The following MAF variants were observed in gnomAD, a reference collection of about 807,000 sequenced individuals.
The protein encoded by MAF is MAF bZIP transcription factor.
In MAF, 10 loss-of-function variants were observed where a neutral mutation model predicts 22.0. That is an observed-to-expected ratio of 0.45 (90% confidence interval 0.28 to 0.77). The LOEUF is 0.77. Ranked by LOEUF, MAF falls within the 30% of genes least tolerant of loss-of-function variation. The pLI, the probability that MAF is intolerant of heterozygous loss-of-function variation, is 0.12. For missense variants in MAF, 544 were observed against 548.4 expected (o/e 0.99, Z 0.08); for synonymous variants, 337 against 255.8 (o/e 1.32, Z -3.03).
the MAF span, among the ~76,000 whole-genome samples, chr16:79,474,679 C>T: frequency 6.6e-6 from 1 of 152,096 alleles, no homozygotes; most frequent in Admixed American, 6.5e-5. Flanking sequence ...CATCTGGATG[C>T]CACACTCCTT....
chr16:79,567,088 G>A, the MAF span, among the ~76,000 whole-genome samples: 1 of 152,236 alleles, frequency 6.6e-6, no homozygotes, highest in Non-Finnish European at 1.5e-5. Flanking sequence ...GGGAGGCTAA[G>A]GCAGGCAGAT....
the MAF span, among the ~76,000 whole-genome samples, chr16:79,213,687 CAGTT>C: frequency 2.4e-4 from 36 of 152,296 alleles, no homozygotes; most frequent in South Asian, 6.2e-4. Context: ...CGGCATCCAG[CAGTT>C]AGTTAGTTAG....
chr16:79,393,938 G>T, the MAF span, among the ~76,000 whole-genome samples: 3 of 152,288 alleles, frequency 2.0e-5, no homozygotes, highest in South Asian at 6.2e-4. Flanking sequence ...ATTTCCATGT[G>T]CCAGGTACAG....
chr16:79,375,283 C>T, the MAF span, among the ~76,000 whole-genome samples: 1 of 152,156 alleles, frequency 6.6e-6, no homozygotes, highest in Admixed American at 6.5e-5. Context: ...TAAAAGGGTT[C>T]AAGGCATTGA....
At chr16:79,463,510 C>A in the MAF span, among the ~76,000 whole-genome samples, 3 of 152,098 alleles carry the variant, frequency 2.0e-5, no homozygotes, top group East Asian at 1.9e-4. Flanking sequence ...ACAATATAAT[C>A]CAGCCACCAC....
chr16:79,477,101 A>C, the MAF span, among the ~76,000 whole-genome samples: 1 of 152,204 alleles, frequency 6.6e-6, no homozygotes, highest in Non-Finnish European at 1.5e-5. Context: ...CAAGGATGCT[A>C]GCAAAGCAAT....
At chr16:79,598,558 C>G (rs1190529351) in intron 1 of MAF, 28 of 1,439,910 alleles carry the variant, frequency 1.9e-5, no homozygotes, top group Non-Finnish European at 2.4e-5. Flanking sequence ...GCCACCACCA[C>G]CACAAACTCG....
the MAF span, among the ~76,000 whole-genome samples, chr16:79,224,730 G>A: frequency 6.6e-6 from 1 of 152,112 alleles, no homozygotes; most frequent in Admixed American, 6.5e-5. Context: ...ACAAACAAGA[G>A]AGCAAAATCA....
At chr16:79,380,317 A>G in the MAF span, among the ~76,000 whole-genome samples, 1 of 152,176 alleles carries the variant, frequency 6.6e-6, no homozygotes, top group African/African-American at 2.4e-5. Context: ...ACCTACCTCA[A>G]GGGCAGTTGT....
the MAF span, among the ~76,000 whole-genome samples, chr16:79,228,358 G>A: frequency 6.6e-6 from 1 of 152,070 alleles, no homozygotes; most frequent in Admixed American, 6.6e-5. Flanking sequence ...ATGAGGGCAA[G>A]GTGGGTCTGA....
the MAF span, among the ~76,000 whole-genome samples, chr16:79,475,418 A>G: frequency 6.6e-6 from 1 of 151,082 alleles, no homozygotes; most frequent in Non-Finnish European, 1.5e-5. Context: ...AGGCAAATCC[A>G]GGTCTATGTC....
the MAF span, among the ~76,000 whole-genome samples, chr16:79,517,540 G>C: frequency 0.84 from 125,549 of 149,784 alleles, 52,882 homozygotes; most frequent in East Asian, 0.92. Flanking sequence ...TCCTTTCCCA[G>C]AGTGAGGTTT....
the MAF span, among the ~76,000 whole-genome samples, chr16:79,325,568 C>G: frequency 2.6e-5 from 4 of 151,458 alleles, no homozygotes; most frequent in Admixed American, 1.3e-4. Context: ...GACACACACA[C>G]AGATGCCCAC....
the MAF span, among the ~76,000 whole-genome samples, chr16:79,374,330 C>T: frequency 6.6e-6 from 1 of 152,140 alleles, no homozygotes; most frequent in Non-Finnish European, 1.5e-5. Flanking sequence ...TCTTATCTTA[C>T]CTTCTGCATC....
chr16:79,396,095 C>G, the MAF span, among the ~76,000 whole-genome samples: 1 of 152,156 alleles, frequency 6.6e-6, no homozygotes, highest in African/African-American at 2.4e-5. Flanking sequence ...ACCCAAATCC[C>G]TTATGCGTAG....
At chr16:79,304,866 G>C in the MAF span, among the ~76,000 whole-genome samples, 1 of 152,154 alleles carries the variant, frequency 6.6e-6, no homozygotes, top group Admixed American at 6.5e-5. Flanking sequence ...TTCCATGGCA[G>C]ATCAAAAGTC....
chr16:79,235,835 G>A, the MAF span, among the ~76,000 whole-genome samples: 1 of 152,052 alleles, frequency 6.6e-6, no homozygotes, highest in Non-Finnish European at 1.5e-5. Context: ...TGTGATGGTT[G>A]TTATTGTCTT....
At chr16:79,424,611 T>G in the MAF span, among the ~76,000 whole-genome samples, 2 of 152,218 alleles carry the variant, frequency 1.3e-5, no homozygotes, top group African/African-American at 4.8e-5. Flanking sequence ...AGCCCCTGAA[T>G]GTGTCCTGGG....
the MAF span, among the ~76,000 whole-genome samples, chr16:79,528,272 C>T: frequency 6.6e-6 from 1 of 152,170 alleles, no homozygotes; most frequent in Admixed American, 6.5e-5. Context: ...CCTTTGTCCC[C>T]TCTCATGGCA....
Sources: allele counts gnomAD v4.1 joint callset (sites outside exome capture counted in the v4.1 genomes callset), GRCh38; gene constraint gnomAD v4.1.1; transcripts MANE v1.5; gene names NCBI Gene and HGNC (gene_info 2026-07-23, HGNC 2026-07-21).